Variants in IMMP2L observed in about 807,000 individuals in gnomAD.
IMMP2L encodes the protein mitochondrial inner membrane protease subunit 2.
A neutral mutation model predicts 19.3 loss-of-function variants in IMMP2L; 18 were observed. The observed-to-expected ratio is 0.93, with a 90% CI of 0.64 to 1.38. IMMP2L has a LOEUF of 1.38. Ranked by LOEUF, IMMP2L falls within the 40% of genes most tolerant of loss-of-function variation. IMMP2L has a pLI of 0.00. For missense variants in IMMP2L, 233 were observed against 218.2 expected (o/e 1.07, Z -0.43); for synonymous variants, 76 against 73.0 (o/e 1.04, Z -0.21).
intron 3 of IMMP2L, among the ~76,000 whole-genome samples, chr7:111,186,898 T>G (rs1808327737): frequency 6.6e-6 from 1 of 152,056 alleles, no homozygotes; most frequent in Non-Finnish European, 1.5e-5. Context: ...TGAAAACTGT[T>G]TCCCTACAAT....
chr7:110,938,862 T>G (rs1240821175), intron 4 of IMMP2L, among the ~76,000 whole-genome samples: 1 of 152,174 alleles, frequency 6.6e-6, no homozygotes, highest in Non-Finnish European at 1.5e-5. Context: ...ATATTAATGT[T>G]GGATCCTTTT....
At chr7:111,506,786 T>A (rs115948448) in intron 2 of IMMP2L, among the ~76,000 whole-genome samples, 2,147 of 152,278 alleles carry the variant, frequency 0.014, 52 homozygotes, top group African/African-American at 0.049. Flanking sequence ...ATATTTTGTC[T>A]AATTAAAAAG....
At chr7:111,359,699 A>C (rs1393002280) in intron 3 of IMMP2L, among the ~76,000 whole-genome samples, 1 of 152,132 alleles carries the variant, frequency 6.6e-6, no homozygotes, top group African/African-American at 2.4e-5. Flanking sequence ...ATTGGTTGTT[A>C]AGCAAGAAAT....
chr7:110,935,597 A>T (rs2129552284), intron 4 of IMMP2L, among the ~76,000 whole-genome samples: 1 of 152,186 alleles, frequency 6.6e-6, no homozygotes, highest in Admixed American at 6.6e-5. Flanking sequence ...AGTGTTTTCC[A>T]TCTTGGTTCC....
chr7:110,944,753 T>C (rs962114447), intron 4 of IMMP2L, among the ~76,000 whole-genome samples: 8 of 151,878 alleles, frequency 5.3e-5, no homozygotes, highest in Non-Finnish European at 1.2e-4. Flanking sequence ...CCAGAGACAG[T>C]TTACTCATAT....
chr7:111,555,301 G>A (rs1791147274), intron 1 of IMMP2L, among the ~76,000 whole-genome samples: 1 of 152,068 alleles, frequency 6.6e-6, no homozygotes, highest in Non-Finnish European at 1.5e-5. Context: ...ATGCAAAAGG[G>A]CCAGACGTAG....
chr7:111,546,527 T>TCC (rs1317528289), intron 1 of IMMP2L, among the ~76,000 whole-genome samples: 1 of 152,196 alleles, frequency 6.6e-6, no homozygotes, highest in Non-Finnish European at 1.5e-5. Context: ...TCAGCTGTCT[T>TCC]CCTATGATAT....
chr7:110,841,931 A>G lies in IMMP2L; in HGVS notation c.408+44662T>C, dbSNP rs183017589. 3.3e-5 allele frequency among the ~76,000 whole-genome samples: 5 copies of G among 152,326 alleles called. No homozygotes were observed. In the East Asian group the frequency reaches 9.7e-4, roughly 29 times the overall value. Reference sequence around the variant, plus strand: ...CTAAGTTAAAATAAACACTGGGTCAATAAATCTCAAATTTATAAAGTACAC... The same window carrying G: ...CTAAGTTAAAATAAACACTGGGTCAGTAAATCTCAAATTTATAAAGTACAC... On this transcript the variant is annotated intron_variant, in intron 5 of 5. Coordinates refer to ENST00000405709, the MANE Select transcript of IMMP2L (RefSeq NM_032549.4).
intron 5 of IMMP2L, among the ~76,000 whole-genome samples, chr7:110,775,249 C>CTCTGTGTG (rs1554413337): frequency 1.4e-5 from 2 of 146,622 alleles, no homozygotes; most frequent in Non-Finnish European, 3.0e-5. Flanking sequence ...CTTAAGTCAG[C>CTCTGTGTG]TGTGTGTGTG....
At chr7:110,736,800 T>G (rs1020849755) in intron 5 of IMMP2L, among the ~76,000 whole-genome samples, 51 of 152,288 alleles carry the variant, frequency 3.3e-4, no homozygotes, top group African/African-American at 1.1e-3. Context: ...TGGAAAGCAA[T>G]TTGTCTCAGG....
At chr7:111,290,937 T>C (rs376682828) in intron 3 of IMMP2L, among the ~76,000 whole-genome samples, 1 of 152,104 alleles carries the variant, frequency 6.6e-6, no homozygotes, top group South Asian at 2.1e-4. Flanking sequence ...GTCTGCTTTA[T>C]ATTCACTATA....
intron 3 of IMMP2L, among the ~76,000 whole-genome samples, chr7:111,110,851 T>G (rs1799111139): frequency 6.6e-6 from 1 of 152,182 alleles, no homozygotes; most frequent in Admixed American, 6.5e-5. Flanking sequence ...CAGATCAAAT[T>G]TAAGGGATTC....
intron 3 of IMMP2L, among the ~76,000 whole-genome samples, chr7:111,442,383 T>C (rs758327210): frequency 2.0e-5 from 3 of 151,790 alleles, no homozygotes; most frequent in Non-Finnish European, 4.4e-5. Context: ...TCATTGGAAG[T>C]AGCTATAGAG....
chr7:110,941,696 T>G (rs1246329178), intron 4 of IMMP2L, among the ~76,000 whole-genome samples: 2 of 152,182 alleles, frequency 1.3e-5, no homozygotes, highest in East Asian at 3.9e-4. Flanking sequence ...TTCAAGTTTT[T>G]CCTGTATGTC....
chr7:111,431,046 G>T (rs1054436597), intron 3 of IMMP2L, among the ~76,000 whole-genome samples: 1 of 151,834 alleles, frequency 6.6e-6, no homozygotes, highest in Non-Finnish European at 1.5e-5. Flanking sequence ...GACAGAGATT[G>T]CAGTGAGCCA....
chr7:111,043,397 G>A lies in IMMP2L; in HGVS notation c.240-79832C>T, dbSNP rs1031940822. Among the ~76,000 whole-genome samples, 17 of 151,996 alleles carry A rather than the reference G, an allele frequency of 1.1e-4. 2 individuals are homozygous for A. The highest frequency in any genetic ancestry group is 3.9e-4 in the African/African-American group (16 of 41,338). ...ACCTTCCTCCCCTTTTCCTCTCAAC[G>A]TTAACATCTCAACAGTTTATTTATA... On this transcript the variant is annotated intron_variant, in intron 3 of 5. Coordinates refer to ENST00000405709, the MANE Select transcript of IMMP2L (RefSeq NM_032549.4).
intron 1 of IMMP2L, 131 bp from the exon 2 acceptor site, chr7:111,521,580 C>T (rs1846336025): frequency 9.4e-6 from 6 of 639,152 alleles, no homozygotes; most frequent in Non-Finnish European, 1.2e-5. Flanking sequence ...CACACTCATT[C>T]CTGTAACCAT....
intron 3 of IMMP2L, among the ~76,000 whole-genome samples, chr7:111,428,392 A>G (rs981678649): frequency 4.0e-5 from 6 of 151,846 alleles, no homozygotes; most frequent in African/African-American, 1.5e-4. Flanking sequence ...AAAATTCTAT[A>G]TAAAAATTGA....
intron 1 of IMMP2L, among the ~76,000 whole-genome samples, chr7:111,554,271 G>A (rs1212730151): frequency 2.6e-5 from 4 of 152,032 alleles, no homozygotes; most frequent in African/African-American, 9.7e-5. Flanking sequence ...ATATCACAAG[G>A]GAGAAAATGC....
Sources: allele counts gnomAD v4.1 joint callset (sites outside exome capture counted in the v4.1 genomes callset), GRCh38; gene constraint gnomAD v4.1.1; transcripts MANE v1.5; gene names NCBI Gene and HGNC (gene_info 2026-07-23, HGNC 2026-07-21).